The following PMS1 variants were observed in gnomAD, a reference collection of about 807,000 sequenced individuals.
PMS1 encodes PMS1 protein homolog 1.
Under a neutral mutation model 93.1 loss-of-function variants are expected in PMS1, and 79 were observed. That is an observed-to-expected ratio of 0.85 (90% CI 0.71 to 1.02). The LOEUF is 1.02. Among genes scored for constraint, PMS1 ranks in the 50% least tolerant of loss-of-function variants. The pLI, the probability that PMS1 is intolerant of heterozygous loss-of-function variation, is 0.00. For synonymous variants in PMS1, 335 were observed against 363.4 expected (o/e 0.92, Z 0.89); for missense variants, 1,064 against 1,085.3 (o/e 0.98, Z 0.28).
intron 4 of PMS1, 166 bp downstream of exon 4, chr2:189,805,920 A>C (rs1033517112): frequency 2.6e-5 from 40 of 1,520,800 alleles, no homozygotes; most frequent in Middle Eastern, 2.2e-4. Context: ...CTAGCCACCA[A>C]TTTCTTAAAT....
chr2:189,804,727 T>C (rs1233303), intron 3 of PMS1, among the ~76,000 whole-genome samples: 3,193 of 152,198 alleles, frequency 0.021, 107 homozygotes, highest in African/African-American at 0.072. Flanking sequence ...GGTTGGATTC[T>C]TATGGTGTCT....
chr2:189,812,679 G>A (rs1441102400), intron 4 of PMS1, among the ~76,000 whole-genome samples: 2 of 152,134 alleles, frequency 1.3e-5, no homozygotes, highest in Non-Finnish European at 2.9e-5. Flanking sequence ...GTTACATTGT[G>A]AAATATAATT....
intron 4 of PMS1, chr2:189,806,006 T>C (rs1330806813): frequency 1.6e-6 from 2 of 1,228,238 alleles, no homozygotes; most frequent in African/African-American, 1.5e-5. Context: ...CTGTAAAAAC[T>C]AAGAGTATTT....
intron 3 of PMS1, 42 bp downstream of exon 3, chr2:189,795,993 C>A: frequency 7.8e-7 from 1 of 1,277,986 alleles, no homozygotes; most frequent in Non-Finnish European, 1.1e-6. Flanking sequence ...TTCATATTCA[C>A]TGAACATTAC....
chr2:189,868,280 T>C (rs1241141167), intron 11 of PMS1, among the ~76,000 whole-genome samples: 2 of 152,208 alleles, frequency 1.3e-5, no homozygotes, highest in Non-Finnish European at 1.5e-5. Context: ...TGGAATTGCC[T>C]AACAAAAATG....
rs2049249445 is a variant in PMS1, at chr2:189,795,321, T to C, written c.133-448T>C. Reference sequence around the variant, plus strand: ...AAAAAACAAAATAAATAAATAAAAATCAGGTTGAATAATGATACTTGCTAG... The same window carrying C: ...AAAAAACAAAATAAATAAATAAAAACCAGGTTGAATAATGATACTTGCTAG... On this transcript the variant is annotated intron_variant, in intron 2 of 12. Transcript: ENST00000441310. Among the ~76,000 whole-genome samples the C allele has an allele frequency of 2.0e-5, 3 of 152,056 alleles. No homozygotes were observed. The South Asian group carries it at 6.2e-4, about 32-fold the overall frequency.
chr2:189,789,422 A>G (rs535959661), intron 1 of PMS1, among the ~76,000 whole-genome samples: 73 of 152,218 alleles, frequency 4.8e-4, no homozygotes, highest in African/African-American at 1.7e-3. Context: ...CCCAATACCT[A>G]TTTTATAGGC....
chr2:189,814,714 T>C (rs73054336), intron 4 of PMS1, among the ~76,000 whole-genome samples: 7,243 of 152,204 alleles, frequency 0.048, 274 homozygotes, highest in African/African-American at 0.1. Flanking sequence ...TTTTTTCAAG[T>C]AGTGACATTT....
intron 5 of PMS1, among the ~76,000 whole-genome samples, chr2:189,829,950 G>A (rs1292184379): frequency 1.3e-5 from 2 of 152,138 alleles, no homozygotes; most frequent in African/African-American, 2.4e-5. Flanking sequence ...CCTCTTCAGT[G>A]TATTTTCAGC....
intron 11 of PMS1, among the ~76,000 whole-genome samples, chr2:189,869,841 A>C (rs2056988170): frequency 6.6e-6 from 1 of 151,980 alleles, no homozygotes; most frequent in South Asian, 2.1e-4. Context: ...AAAGATGTTA[A>C]ACTGCAGGTT....
intron 5 of PMS1, among the ~76,000 whole-genome samples, chr2:189,840,091 A>G (rs1446397278): frequency 2.0e-5 from 3 of 152,310 alleles, no homozygotes; most frequent in South Asian, 2.1e-4. Flanking sequence ...ATTTATTTTT[A>G]TACTTTGATT....
At chr2:189,808,550 C>T (rs2050543417) in intron 4 of PMS1, among the ~76,000 whole-genome samples, 2 of 152,052 alleles carry the variant, frequency 1.3e-5, no homozygotes, top group South Asian at 2.1e-4. Context: ...AGGCTGGTCT[C>T]GAACTCCTGA....
chr2:189,814,924 C>T (rs1035511182), intron 4 of PMS1, among the ~76,000 whole-genome samples: 2 of 151,752 alleles, frequency 1.3e-5, no homozygotes, highest in Non-Finnish European at 2.9e-5. Flanking sequence ...GGTGAAACCC[C>T]GTCTCTACCA....
rs2055061859 is a variant in PMS1, at chr2:189,854,038, G to A, written c.922G>A (p.Val308Ile). 1.2e-6 allele frequency: 2 copies of A among 1,604,172 alleles called. No homozygotes were observed. The highest frequency in any genetic ancestry group is 4.5e-5 in the East Asian group (2 of 44,514). ...KIDVPTADVD[V>I]NLTPDKSQVL... ...CGATGTTCCTACAGCTGATGTTGATGTAAATTTAACACCAGATAAAAGCCA... is the reference window on the plus strand; with the variant it reads ...CGATGTTCCTACAGCTGATGTTGATATAAATTTAACACCAGATAAAAGCCA... The change falls in exon 8 of 13, where the codon GTA (valine) becomes ATA (isoleucine). Residue 308 changes from valine (V) to isoleucine (I), a missense_variant. Physicochemically the swap from Val to Ile is conservative, Grantham distance 29. Coordinates refer to ENST00000441310, the MANE Select transcript of PMS1 (RefSeq NM_000534.5).
chr2:189,869,182 T>G (rs116034716), intron 11 of PMS1, among the ~76,000 whole-genome samples: 524 of 152,316 alleles, frequency 3.4e-3, no homozygotes, highest in Non-Finnish European at 5.7e-3. Flanking sequence ...AACTCATTTA[T>G]TATATTGCCT....
At chr2:189,798,413 G>A (rs1017609206) in intron 3 of PMS1, among the ~76,000 whole-genome samples, 1 of 152,170 alleles carries the variant, frequency 6.6e-6, no homozygotes, top group Non-Finnish European at 1.5e-5. Context: ...GATGTTTAGA[G>A]ATCATTAAAG....
chr2:189,868,098 C>T (rs868611032), intron 11 of PMS1, among the ~76,000 whole-genome samples, 169 bp downstream of exon 11: 9 of 152,182 alleles, frequency 5.9e-5, no homozygotes, highest in African/African-American at 2.2e-4. Context: ...CTGCCTGAAA[C>T]AAGTAAGTTT....
chr2:189,853,171 A>G lies in PMS1; in HGVS notation c.822+394A>G, dbSNP rs576762910. Among the ~76,000 whole-genome samples the G allele has an allele frequency of 2.0e-3, 298 of 152,118 alleles. 6 individuals carry two copies. Among genetic ancestry groups the G allele is most frequent in the Non-Finnish European group, 2.5e-3 (172 of 67,972 alleles). On this transcript the variant is annotated intron_variant, in intron 7 of 12. Transcript: ENST00000441310. Reference sequence around the variant, plus strand: ...TGGGTTTGAGCAATTCGCCTGCCTCAGCCTCACAAGTAGCTGGTATTACAG... The same window carrying G: ...TGGGTTTGAGCAATTCGCCTGCCTCGGCCTCACAAGTAGCTGGTATTACAG...
intron 9 of PMS1, among the ~76,000 whole-genome samples, chr2:189,859,917 A>G (rs2055767769): frequency 6.6e-6 from 1 of 152,220 alleles, no homozygotes; most frequent in African/African-American, 2.4e-5. Context: ...GAAGTATTAT[A>G]TACAAAAAAT....
Sources: gnomAD v4.1 joint callset for allele counts (sites outside exome capture counted in the v4.1 genomes callset) on GRCh38, gnomAD v4.1.1 for gene constraint, MANE v1.5 for transcripts, NCBI Gene and HGNC (gene_info 2026-07-23, HGNC 2026-07-21) for gene names.